The following IL7 variants were observed in gnomAD, a reference collection of about 807,000 sequenced individuals.
The protein encoded by IL7 is interleukin 7, also known as interleukin-7.
A neutral mutation model predicts 21.6 loss-of-function variants in IL7; 3 were observed. That is an observed-to-expected ratio of 0.14 (90% CI 0.06 to 0.36). The LOEUF is 0.36. Ranked by LOEUF, IL7 falls within the 10% of genes least tolerant of loss-of-function variation. IL7 has a pLI of 1.00. For missense variants in IL7, 175 were observed against 200.2 expected (o/e 0.87, Z 0.76); for synonymous variants, 62 against 68.1 (o/e 0.91, Z 0.44).
At chr8:78,792,505 A>G (rs994700746) in intron 2 of IL7, among the ~76,000 whole-genome samples, 1 of 152,118 alleles carries the variant, frequency 6.6e-6, no homozygotes, top group African/African-American at 2.4e-5. Context: ...TGATGGGAGG[A>G]AAAAATATAA....
chr8:78,761,664 T>C (rs1812562950), intron 2 of IL7: 1 of 1,612,010 alleles, frequency 6.2e-7, no homozygotes, highest in East Asian at 2.2e-5. Flanking sequence ...TGTGAGTCTC[T>C]CACTTCCCTG....
intron 2 of IL7, chr8:78,760,974 C>A: frequency 1.3e-6 from 2 of 1,582,070 alleles, no homozygotes; most frequent in Non-Finnish European, 1.7e-6. Flanking sequence ...TTTTTAAGAA[C>A]AACAATAGTA....
At chr8:78,750,342 G>T (rs1563419904) in intron 2 of IL7, among the ~76,000 whole-genome samples, 1 of 151,964 alleles carries the variant, frequency 6.6e-6, no homozygotes, top group East Asian at 1.9e-4. Context: ...ACACCGTATT[G>T]TGACATCACT....
At chr8:78,730,638 A>C (rs1811410188), downstream of IL7, among the ~76,000 whole-genome samples, 1 of 152,020 alleles carries the variant, frequency 6.6e-6, no homozygotes, top group Non-Finnish European at 1.5e-5. Context: ...TAGATGATTT[A>C]AATGGATATT....
intron 2 of IL7, among the ~76,000 whole-genome samples, chr8:78,773,841 A>G (rs968235777): frequency 2.6e-5 from 4 of 152,130 alleles, no homozygotes; most frequent in Non-Finnish European, 5.9e-5. Flanking sequence ...TTATGGGAGA[A>G]ACACAGTGTG....
At chr8:78,756,518 T>G (rs1195770181) in intron 2 of IL7, among the ~76,000 whole-genome samples, 1 of 151,958 alleles carries the variant, frequency 6.6e-6, no homozygotes, top group Admixed American at 6.6e-5. Context: ...TGTTCATGTT[T>G]CCTATTTATT....
intron 3 of IL7, chr8:78,697,507 GTAATGA>G (rs1323589920): frequency 1.9e-6 from 3 of 1,601,916 alleles, no homozygotes; most frequent in Non-Finnish European, 2.5e-6. Flanking sequence ...ACTGTTGTAG[GTAATGA>G]TAGCCGAAAA....
chr8:78,676,235 A>T (rs1163143048), intron 4 of IL7: 1 of 155,416 alleles, frequency 6.4e-6, no homozygotes, highest in Non-Finnish European at 1.4e-5. Flanking sequence ...AAAATCAGGG[A>T]TAGATGAAAC....
At chr8:78,804,226 C>G (rs1355411089) in intron 1 of IL7, among the ~76,000 whole-genome samples, 1 of 151,958 alleles carries the variant, frequency 6.6e-6, no homozygotes, top group Non-Finnish European at 1.5e-5. Context: ...AGAGTCACGC[C>G]TATTTCATTC....
rs796414024 is a variant in IL7, at chr8:78,770,914, T to C, written c.147+27158A>G. Among the ~76,000 whole-genome samples, 19 of 152,212 alleles carry C rather than the reference T, an allele frequency of 1.2e-4. 1 individual carries two copies. The highest frequency in any genetic ancestry group is 4.1e-4 in the South Asian group (2 of 4,822). On this transcript the variant is annotated intron_variant, in intron 2 of 5. Transcript: ENST00000263851. ...GAGATAAACTCCTCTGAAAGCACCA[T>C]GTAATTTCTGAAAATTCCCATAATG...
At chr8:78,708,676 T>C (rs1810859190) in intron 3 of IL7, among the ~76,000 whole-genome samples, 2 of 151,408 alleles carry the variant, frequency 1.3e-5, no homozygotes, top group African/African-American at 4.9e-5. Context: ...GATTATCTTT[T>C]TTTTTTCTTT....
intron 3 of IL7, among the ~76,000 whole-genome samples, chr8:78,689,851 C>T (rs1242813054): frequency 6.6e-6 from 1 of 151,934 alleles, no homozygotes; most frequent in Non-Finnish European, 1.5e-5. Flanking sequence ...GATTTATGCT[C>T]CTTATCTTGT....
At chr8:78,732,339 G>T (rs150145079), downstream of IL7, among the ~76,000 whole-genome samples, 179 of 152,248 alleles carry the variant, frequency 1.2e-3, no homozygotes, top group African/African-American at 4.1e-3. Flanking sequence ...CAGTGAAGGT[G>T]AAATGTCATA....
At chr8:78,715,865 C>A (rs926614903), downstream of IL7, among the ~76,000 whole-genome samples, 1 of 151,550 alleles carries the variant, frequency 6.6e-6, no homozygotes, top group African/African-American at 2.4e-5. Flanking sequence ...CATGGTGAAA[C>A]CCTGTCTCTA....
intron 4 of IL7, among the ~76,000 whole-genome samples, chr8:78,682,455 C>T (rs542632001): frequency 6.6e-5 from 10 of 152,094 alleles, no homozygotes; most frequent in African/African-American, 1.4e-4. Context: ...TCTTACATGG[C>T]GGCAGACAAG....
At chr8:78,722,080 C>G (rs1811251792) in intron 3 of IL7, among the ~76,000 whole-genome samples, 1 of 151,726 alleles carries the variant, frequency 6.6e-6, no homozygotes. Context: ...TTATTTCTAC[C>G]AAAGGATATT....
At chr8:78,717,591 T>C (rs1172334568), downstream of IL7, 1 of 1,293,750 alleles carries the variant, frequency 7.7e-7, no homozygotes, top group African/African-American at 1.5e-5. Flanking sequence ...GTGCTAAAAA[T>C]ACTCGAAATA....
chr8:78,676,352 A>G (rs961099320), intron 4 of IL7, among the ~76,000 whole-genome samples: 1 of 151,962 alleles, frequency 6.6e-6, no homozygotes. Context: ...TGTTTCAAAG[A>G]CAAAGACTTT....
chr8:78,761,428 A>G (rs1812551534), intron 2 of IL7: 3 of 1,611,948 alleles, frequency 1.9e-6, no homozygotes, highest in East Asian at 2.2e-5. Context: ...AAAATCCACT[A>G]GAGACAATGT....
Sources: allele counts gnomAD v4.1 joint callset (sites outside exome capture counted in the v4.1 genomes callset), GRCh38; gene constraint gnomAD v4.1.1; transcripts MANE v1.5; gene names NCBI Gene and HGNC (gene_info 2026-07-23, HGNC 2026-07-21).